RASSF4: variants seen among roughly 807,000 people sequenced by gnomAD.
The protein encoded by RASSF4 is Ras association domain family member 4, also known as ras association domain-containing protein 4.
RASSF4 carries 38 observed loss-of-function variants against 41.1 expected under a neutral mutation model. The ratio of observed to expected loss-of-function variants is 0.92; its 90% CI spans 0.71 to 1.21. RASSF4 has a LOEUF of 1.21. RASSF4 is among the 50% of genes most tolerant of loss of function. The pLI is 0.00. For missense variants in RASSF4, 414 were observed against 419.4 expected (o/e 0.99, Z 0.11); for synonymous variants, 179 against 163.4 (o/e 1.10, Z -0.73).
At chr10:44,989,622 T>C (rs753897016) in intron 7 of RASSF4, 48 bp from the exon 8 acceptor site, 1 of 1,580,290 alleles carries the variant, frequency 6.3e-7, no homozygotes. Flanking sequence ...CTCAGTTCTC[T>C]CCCATCTCCA....
chr10:44,967,718 T>C (rs1840960278), intron 1 of RASSF4, among the ~76,000 whole-genome samples: 1 of 152,244 alleles, frequency 6.6e-6, no homozygotes, highest in Non-Finnish European at 1.5e-5. Flanking sequence ...CTTCCTGCGA[T>C]GTGCCAGGCT....
At position 44,994,887 on chromosome 10, in the gene RASSF4, G is replaced by A. The variant is rs536635312; in HGVS notation, c.*1558G>A. 25 of 152,250 alleles carry A rather than the reference G, an allele frequency of 1.6e-4. No homozygotes were observed. The highest frequency in any genetic ancestry group is 5.8e-4 in the African/African-American group (24 of 41,522). The allele number at this position is 152,250 out of a possible 1,614,324, so 9.4% of individuals were successfully genotyped here. ...ACTCCTTCATTTCTGTGCATGCCCTGGGGACTAGGGTGGAGCCTGAGGAGA... is the reference window on the plus strand; with the variant it reads ...ACTCCTTCATTTCTGTGCATGCCCTAGGGACTAGGGTGGAGCCTGAGGAGA... On this transcript the variant is annotated 3_prime_UTR_variant, in exon 11 of 11. Coordinates refer to ENST00000340258, the MANE Select transcript of RASSF4 (RefSeq NM_032023.4).
intron 1 of RASSF4, among the ~76,000 whole-genome samples, chr10:44,964,108 G>A (rs1322570023): frequency 3.3e-5 from 5 of 152,270 alleles, no homozygotes; most frequent in African/African-American, 1.2e-4. Context: ...ATGCCTAGCA[G>A]CTCTAAAGCC....
chr10:44,991,223 G>T, intron 9 of RASSF4, 154 bp downstream of exon 9: 1 of 585,538 alleles, frequency 1.7e-6, no homozygotes, highest in African/African-American at 1.8e-5. Context: ...ACAGGGAGGC[G>T]CCAGCCCTCC....
chr10:44,966,353 C>G (rs531094379), intron 1 of RASSF4, among the ~76,000 whole-genome samples: 1 of 152,156 alleles, frequency 6.6e-6, no homozygotes, highest in African/African-American at 2.4e-5. Context: ...TAAATCATGC[C>G]GTGTCGTGAA....
At chr10:44,991,414 C>A (rs1842108710) in intron 9 of RASSF4, 1 of 222,490 alleles carries the variant, frequency 4.5e-6, no homozygotes, top group African/African-American at 2.3e-5. Context: ...CTACCTCGCA[C>A]CTGTGGAAAA....
In RASSF4 at chr10:44,982,525, A is replaced by T; in HGVS notation, c.143A>T (p.Glu48Val). 1 of 1,611,114 alleles carries T rather than the reference A, an allele frequency of 6.2e-7. No homozygotes were observed. The highest frequency in any genetic ancestry group is 8.5e-7 in the Non-Finnish European group (1 of 1,178,684). The change falls in exon 4 of 11, where the codon GAA (glutamate) becomes GTA (valine). Residue 48 changes from glutamate to valine, a missense_variant. By Grantham distance (121) the Glu-to-Val change is moderately radical (BLOSUM62 -2). Coordinates refer to ENST00000340258, the MANE Select transcript of RASSF4 (RefSeq NM_032023.4). ...KSFQLRHREE[E>V]GTLIIEGLLN... The stretch of plus-strand genomic sequence containing the variant: ...CTGATGTGTGGACCCCCACAGGAAG[A>T]AGGGACTCTGATCATCGAGGGGCTC...
intron 8 of RASSF4, chr10:44,990,467 C>T (rs78966097): frequency 0.014 from 2,244 of 156,298 alleles, 62 homozygotes; most frequent in African/African-American, 0.049. Context: ...AGGAGAAGGG[C>T]CTGAGTTTCT....
Position 44,984,070 on chromosome 10 carries a change from C to T in RASSF4, c.330C>T (p.Ser110=). The change falls in exon 5 of 11, where the codon AGC becomes AGT. Residue 110 remains serine, a synonymous_variant. Coordinates refer to ENST00000340258, the MANE Select transcript of RASSF4 (RefSeq NM_032023.4). Reference sequence around the variant, plus strand: ...GGAACATCACAGCCCAGGGGCCAAGCATTCAGCCAGTGCACAAGGCTGAGA... The same window carrying T: ...GGAACATCACAGCCCAGGGGCCAAGTATTCAGCCAGTGCACAAGGCTGAGA... ...QNGNITAQGP[S]IQPVHKAESS... 1.2e-6 allele frequency: 2 copies of T among 1,606,956 alleles called. No individual in the cohort carries two copies. The highest frequency in any genetic ancestry group is 1.7e-6 in the Non-Finnish European group (2 of 1,176,984).
At chr10:44,987,594 G>A (rs1841965678) in intron 6 of RASSF4, among the ~76,000 whole-genome samples, 2 of 141,858 alleles carry the variant, frequency 1.4e-5, no homozygotes, top group Non-Finnish European at 3.0e-5. Context: ...GAAGGTTGCT[G>A]TTCAGCAACC....
chr10:44,964,721 C>G (rs1840837279), intron 1 of RASSF4, among the ~76,000 whole-genome samples: 1 of 152,238 alleles, frequency 6.6e-6, no homozygotes, highest in Non-Finnish European at 1.5e-5. Flanking sequence ...AAGGCTGTTC[C>G]AGGAAAATGC....
At chr10:44,987,654 G>A (rs1470816474) in intron 6 of RASSF4, among the ~76,000 whole-genome samples, 1 of 145,422 alleles carries the variant, frequency 6.9e-6, no homozygotes, top group Admixed American at 6.9e-5. Flanking sequence ...CTGCACCTGC[G>A]GTTTCTGCAA....
Position 44,990,965 on chromosome 10 carries a change from G to A in RASSF4, c.703G>A (p.Asp235Asn). 1 of 1,613,134 alleles carries A rather than the reference G, an allele frequency of 6.2e-7. No individual in the cohort carries two copies. Residue 235 changes from aspartate to asparagine, a missense_variant, in exon 9 of 11, where the codon GAC (aspartate) becomes AAC (asparagine). Physicochemically the swap from Asp to Asn is conservative, Grantham distance 23. Transcript: ENST00000340258. ...HESGERTKLK[D>N]CEYPLISRIL... ...TTTTTCAGAGCGGACAAAATTAAAA[G>A]ACTGCGAGTACCCGCTGATTTCCAG...
chr10:44,965,556 G>A (rs1336828905), intron 1 of RASSF4, among the ~76,000 whole-genome samples: 1 of 152,194 alleles, frequency 6.6e-6, no homozygotes, highest in Non-Finnish European at 1.5e-5. Context: ...ATGAGTGCTG[G>A]AGGACACAGA....
rs1036154082 is a variant in RASSF4 at position 44,982,303 on chromosome 10, C to T, written c.139-218C>T. ...AGCCACTGTGTTCTGCGCTGTGCCCCTGGCCAGGCATGAGCTGAGCACATC... is the reference window on the plus strand; with the variant it reads ...AGCCACTGTGTTCTGCGCTGTGCCCTTGGCCAGGCATGAGCTGAGCACATC... On this transcript the variant is annotated intron_variant, in intron 3 of 10. Transcript: ENST00000340258. 8 of 643,832 alleles carry T rather than the reference C, an allele frequency of 1.2e-5. No homozygotes were observed. In the African/African-American group the frequency reaches 1.5e-4, roughly 12 times the overall value. The allele number at this position is 643,832 out of a possible 1,614,324, so 39.9% of individuals were successfully genotyped here.
In RASSF4 at chr10:44,990,944, T is replaced by C. The variant is rs756837859; in HGVS notation, c.686-4T>C. 18 of 1,610,492 alleles carry C rather than the reference T, an allele frequency of 1.1e-5. No homozygotes were observed. The highest frequency in any genetic ancestry group is 1.5e-5 in the Non-Finnish European group (18 of 1,176,946). On this transcript the variant is annotated splice_region_variant and splice_polypyrimidine_tract_variant and intron_variant, in intron 8 of 10. Coordinates refer to ENST00000340258, the MANE Select transcript of RASSF4 (RefSeq NM_032023.4). ...TGATTTTTGTAAACCACCTTCTTTT[T>C]CAGAGCGGACAAAATTAAAAGACTG...
chr10:44,977,567 G>C, intron 3 of RASSF4: 1 of 1,613,510 alleles, frequency 6.2e-7, no homozygotes, highest in Non-Finnish European at 8.5e-7. Flanking sequence ...AGGCATCCTG[G>C]CTTCACAGAG....
Position 44,984,882 on chromosome 10 carries a change from AGAG to A in RASSF4, c.448_450del (p.Arg150del). 6.2e-7 allele frequency: 1 copy of A among 1,613,670 alleles called. No homozygotes were observed. Among genetic ancestry groups the A allele is most frequent in the Non-Finnish European group, 8.5e-7 (1 of 1,180,022 alleles). ...AAGAGCGACGCCAGTTGCATGAGCC[AGAG>A]GAGGCCCAAGTGCCGCGCCCCCGGT... On this transcript the variant is annotated inframe_deletion, in exon 6 of 11. Transcript: ENST00000340258.
intron 3 of RASSF4, chr10:44,978,151 G>C (rs925114657): frequency 5.1e-6 from 6 of 1,170,448 alleles, no homozygotes; most frequent in Non-Finnish European, 7.2e-6. Flanking sequence ...GTAGGAATCC[G>C]GTGCCCTGAG....
Sources: allele counts gnomAD v4.1 joint callset (sites outside exome capture counted in the v4.1 genomes callset), GRCh38; gene constraint gnomAD v4.1.1; transcripts MANE v1.5; gene names NCBI Gene and HGNC (gene_info 2026-07-23, HGNC 2026-07-21).